Variants in SMARCAD1 observed in about 807,000 individuals in gnomAD.
The protein encoded by SMARCAD1 is SWI/SNF-related matrix-associated actin-dependent regulator of chromatin subfamily A containing DEAD/H box 1.
In SMARCAD1, 25 loss-of-function variants were observed where a neutral mutation model predicts 127.1. The observed-to-expected ratio is 0.20, with a 90% CI of 0.14 to 0.27. The LOEUF (loss-of-function observed/expected upper bound fraction) is 0.27. SMARCAD1 is among the 10% of genes least tolerant of loss of function. The pLI is 1.00. For synonymous variants in SMARCAD1, 400 were observed against 396.9 expected, an observed-to-expected ratio of 1.01 and a Z score of -0.09; for missense variants, 807 against 1,206.0, an observed-to-expected ratio of 0.67 and a Z score of 4.90.
At chr4:94,222,755 G>T (rs1553913755) in intron 2 of SMARCAD1, among the ~76,000 whole-genome samples, 1 of 152,036 alleles carries the variant, frequency 6.6e-6, no homozygotes, top group South Asian at 2.1e-4. Context: ...CTGATGTCAG[G>T]AGTTCAACAC....
intron 4 of SMARCAD1, among the ~76,000 whole-genome samples, chr4:94,235,957 A>G (rs1022516379): frequency 6.6e-6 from 1 of 152,018 alleles, no homozygotes; most frequent in African/African-American, 2.4e-5. Flanking sequence ...ACTCCAGAGC[A>G]CTCTCTTGAA....
At chr4:94,287,065 CG>C (rs1755044824) in intron 23 of SMARCAD1, among the ~76,000 whole-genome samples, 1 of 152,070 alleles carries the variant, frequency 6.6e-6, no homozygotes, top group Admixed American at 6.6e-5. Flanking sequence ...GGGGTTTCAC[CG>C]TATTAGCCAG....
At position 94,240,865 on chromosome 4, in the gene SMARCAD1, A is replaced by G. The variant is rs373514021; in HGVS notation, c.605-41A>G. 33 of 1,480,280 alleles carry G rather than the reference A, an allele frequency of 2.2e-5. No homozygotes were observed. In the South Asian group the frequency reaches 2.4e-4, roughly 11 times the overall value. The allele number at this position is 1,480,280 out of a possible 1,614,324, so 91.7% of individuals were successfully genotyped here. A position where few individuals can be genotyped will look rare whatever the true frequency, so the allele number is the denominator to read the frequency against. On this transcript the variant is annotated intron_variant, in intron 5 of 23. Transcript: ENST00000354268. ...TTTTACATTAAATTGATTTTTTGCTATTTCTGTGCAAAGTTTGAGTGTGCT... is the reference window on the plus strand; with the variant it reads ...TTTTACATTAAATTGATTTTTTGCTGTTTCTGTGCAAAGTTTGAGTGTGCT...
chr4:94,229,529 A>G (rs1246646832), intron 3 of SMARCAD1, among the ~76,000 whole-genome samples: 1 of 152,116 alleles, frequency 6.6e-6, no homozygotes, highest in East Asian at 1.9e-4. Flanking sequence ...AGGGATTCCT[A>G]TCATTTTCCT....
At chr4:94,216,447 T>G (rs1168731248) in intron 2 of SMARCAD1, among the ~76,000 whole-genome samples, 1 of 152,216 alleles carries the variant, frequency 6.6e-6, no homozygotes, top group Non-Finnish European at 1.5e-5. Context: ...GTCTGTTAAT[T>G]TTAAAAATTA....
chr4:94,276,043 C>G (rs985345576), intron 14 of SMARCAD1, among the ~76,000 whole-genome samples: 1 of 151,996 alleles, frequency 6.6e-6, no homozygotes, highest in African/African-American at 2.4e-5. Context: ...GTGATCCGCC[C>G]GCCTCGGCCT....
At chr4:94,211,660 A>T (rs1008167042) in intron 2 of SMARCAD1, among the ~76,000 whole-genome samples, 8 of 152,066 alleles carry the variant, frequency 5.3e-5, no homozygotes, top group Admixed American at 5.2e-4. Context: ...AGTTGACTTC[A>T]TTTCCTATGA....
chr4:94,238,248 A>G (rs538918289), intron 5 of SMARCAD1, among the ~76,000 whole-genome samples: 60 of 152,278 alleles, frequency 3.9e-4, no homozygotes, highest in Admixed American at 1.2e-3. Context: ...GGTGCTACCT[A>G]CAGTGTATCA....
intron 12 of SMARCAD1, 61 bp from the exon 13 acceptor site, chr4:94,274,677 T>C: frequency 5.5e-6 from 8 of 1,459,852 alleles, no homozygotes; most frequent in Non-Finnish European, 7.7e-6. Context: ...TTAGTGTTAA[T>C]TTAACCATGT....
intron 2 of SMARCAD1, among the ~76,000 whole-genome samples, chr4:94,225,809 C>T (rs1744899497): frequency 2.0e-5 from 3 of 152,164 alleles, no homozygotes; most frequent in Non-Finnish European, 4.4e-5. Context: ...CTGTGGTGTT[C>T]ATGCTGTCTC....
Position 94,253,026 on chromosome 4 carries a change from T to C in SMARCAD1, c.1281+19T>C. ...GGCTCTGGTAAGGCTTTATTCTTTT[T>C]TTCCCCTTGTATGTGTGTGTGTATT... On this transcript the variant is annotated intron_variant, in intron 9 of 23. Coordinates refer to ENST00000354268, the MANE Select transcript of SMARCAD1 (RefSeq NM_020159.5). 6.2e-7 allele frequency: 1 copy of C among 1,607,916 alleles called. No homozygotes were observed. Among genetic ancestry groups the C allele is most frequent in the Non-Finnish European group, 8.5e-7 (1 of 1,179,972 alleles).
At chr4:94,249,353 A>G (rs1346579535) in intron 6 of SMARCAD1, among the ~76,000 whole-genome samples, 1 of 151,112 alleles carries the variant, frequency 6.6e-6, no homozygotes, top group Non-Finnish European at 1.5e-5. Flanking sequence ...CTTGAATTAT[A>G]TTGAGTTAAT....
In SMARCAD1 at chr4:94,252,896, T is replaced by G. The variant is rs778777620; in HGVS notation, c.1170T>G (p.Leu390=). The change falls in exon 9 of 24, where the codon CTT becomes CTG. Residue 390 remains leucine (L), a synonymous_variant. Transcript: ENST00000354268. ...VMEDGYKGKI[L]HFLQDASIGE... is the part of the protein sequence containing the mutation. ...AGGATGGCTATAAAGGTAAAATTCT[T>G]CACTTCCTTCAAGATGCTTCAATTG... The G allele has an allele frequency of 6.2e-7, 1 of 1,614,136 alleles. No individual in the cohort carries two copies. Among genetic ancestry groups the G allele is most frequent in the South Asian group, 1.1e-5 (1 of 91,084 alleles).
intron 19 of SMARCAD1, 71 bp from the exon 20 acceptor site, chr4:94,280,521 T>C (rs931691650): frequency 1.6e-5 from 22 of 1,354,040 alleles, no homozygotes; most frequent in Non-Finnish European, 2.1e-5. Context: ...TAAACAGTTT[T>C]ATTAAACTTT....
chr4:94,223,932 T>TC (rs966478368), intron 2 of SMARCAD1, among the ~76,000 whole-genome samples: 14 of 152,022 alleles, frequency 9.2e-5, no homozygotes, highest in African/African-American at 3.1e-4. Flanking sequence ...GTTAAAGTGT[T>TC]CAATTGACAG....
chr4:94,273,738 T>TCCA, intron 12 of SMARCAD1, 22 bp downstream of exon 12: 1 of 1,553,390 alleles, frequency 6.4e-7, no homozygotes, highest in Non-Finnish European at 8.9e-7. Flanking sequence ...TGGAGACAAC[T>TCCA]GTATTTAACT....
chr4:94,288,571 T>G (rs1161939518), intron 23 of SMARCAD1, among the ~76,000 whole-genome samples: 1 of 151,992 alleles, frequency 6.6e-6, no homozygotes, highest in African/African-American at 2.4e-5. Flanking sequence ...TTTTGTTTTG[T>G]TTTTTGTTTT....
intron 20 of SMARCAD1, 83 bp downstream of exon 20, chr4:94,280,863 G>C (rs1753910874): frequency 7.7e-7 from 1 of 1,290,938 alleles, no homozygotes; most frequent in African/African-American, 1.5e-5. Flanking sequence ...TGACTTGCTT[G>C]AATTAGCCTA....
At position 94,208,550 on chromosome 4, in the gene SMARCAD1, A is replaced by G; in HGVS notation, c.156A>G (p.Ala52=). 6.2e-7 allele frequency: 1 copy of G among 1,614,174 alleles called. No individual in the cohort carries two copies. Among genetic ancestry groups the G allele is most frequent in the East Asian group, 2.2e-5 (1 of 44,886 alleles). ...ATGCTGAAGGGGAAGTTAGCAGGGC[A>G]AACACTCCTGATTCAGATATAACTG... ...EENAEGEVSR[A]NTPDSDITEK... Residue 52 remains alanine, a synonymous_variant, in exon 2 of 24, where the codon GCA becomes GCG. Transcript: ENST00000354268.
Sources: allele counts gnomAD v4.1 joint callset (sites outside exome capture counted in the v4.1 genomes callset), GRCh38; gene constraint gnomAD v4.1.1; transcripts MANE v1.5; gene names NCBI Gene and HGNC (gene_info 2026-07-23, HGNC 2026-07-21).